The following AFF3 variants were observed in gnomAD, a reference collection of about 807,000 sequenced individuals.
The protein encoded by AFF3 is AF4/FMR2 family member 3.
In AFF3, 32 loss-of-function variants were observed where a neutral mutation model predicts 129.7. The ratio of observed to expected loss-of-function variants is 0.25; its 90% CI spans 0.19 to 0.33. AFF3 has a LOEUF of 0.33. AFF3 is among the 10% of genes least tolerant of loss of function. The pLI is 1.00. For missense variants in AFF3, 1,373 were observed against 1,592.0 expected (o/e 0.86, Z 2.34); for synonymous variants, 644 against 635.4 (o/e 1.01, Z -0.20).
At chr2:99,834,831 C>T (rs1004516355) in intron 8 of AFF3, among the ~76,000 whole-genome samples, 1 of 152,150 alleles carries the variant, frequency 6.6e-6, no homozygotes, top group Non-Finnish European at 1.5e-5. Flanking sequence ...AATTTAGATT[C>T]TCAATGTTCC....
chr2:100,112,301 T>C (rs948343501), intron 2 of AFF3: 1 of 152,100 alleles, frequency 6.6e-6, no homozygotes, highest in African/African-American at 2.4e-5. Flanking sequence ...GGGAGCTTCA[T>C]AAAGAAGCTA....
intron 7 of AFF3, among the ~76,000 whole-genome samples, chr2:99,935,954 G>A (rs1005448750): frequency 3.0e-4 from 45 of 152,096 alleles, no homozygotes; most frequent in South Asian, 2.1e-4. Flanking sequence ...TAAGTAACCC[G>A]GTTACTCGTC....
chr2:100,050,741 T>C (rs1478620281), intron 4 of AFF3, among the ~76,000 whole-genome samples: 1 of 152,178 alleles, frequency 6.6e-6, no homozygotes, highest in Non-Finnish European at 1.5e-5. Context: ...GGGCAGATCA[T>C]TACCCCCTCA....
intron 7 of AFF3, among the ~76,000 whole-genome samples, chr2:99,842,501 A>C (rs890144846): frequency 1.3e-5 from 2 of 152,006 alleles, no homozygotes; most frequent in Non-Finnish European, 2.9e-5. Context: ...GTTGCTCCGT[A>C]TTTACTCCAA....
At chr2:99,819,909 G>A (rs1687520660) in intron 8 of AFF3, among the ~76,000 whole-genome samples, 1 of 152,182 alleles carries the variant, frequency 6.6e-6, no homozygotes, top group Non-Finnish European at 1.5e-5. Flanking sequence ...GCCTGTTGTT[G>A]CTCTTACTGG....
chr2:99,555,609 C>T (rs1394874264), intron 22 of AFF3, among the ~76,000 whole-genome samples: 3 of 152,148 alleles, frequency 2.0e-5, no homozygotes, highest in African/African-American at 7.2e-5. Flanking sequence ...TTAGATTTCC[C>T]CTCTGAGAAC....
At chr2:99,704,845 C>T (rs896269560) in intron 11 of AFF3, among the ~76,000 whole-genome samples, 2 of 152,138 alleles carry the variant, frequency 1.3e-5, no homozygotes, top group Non-Finnish European at 2.9e-5. Flanking sequence ...CATTAGGGCT[C>T]AGACCTCAGA....
intron 13 of AFF3, among the ~76,000 whole-genome samples, chr2:99,632,148 T>G (rs1012683915): frequency 5.9e-5 from 9 of 151,382 alleles, no homozygotes; most frequent in African/African-American, 2.2e-4. Context: ...CCCGAGTAGC[T>G]GGGATTACAG....
At chr2:99,810,633 A>AGT (rs1686715469) in intron 8 of AFF3, among the ~76,000 whole-genome samples, 1 of 148,128 alleles carries the variant, frequency 6.8e-6, no homozygotes, top group South Asian at 2.1e-4. Flanking sequence ...CTTTAGTTCA[A>AGT]GTGTGTGAGT....
chr2:99,861,914 T>C (rs1430488797), intron 7 of AFF3, among the ~76,000 whole-genome samples: 1 of 152,182 alleles, frequency 6.6e-6, no homozygotes, highest in Non-Finnish European at 1.5e-5. Flanking sequence ...TGCAAGTTGC[T>C]CAAAAATTCT....
At chr2:99,828,068 G>A (rs543328569) in intron 8 of AFF3, among the ~76,000 whole-genome samples, 4 of 152,192 alleles carry the variant, frequency 2.6e-5, no homozygotes, top group African/African-American at 9.6e-5. Flanking sequence ...TTGGTTCTTG[G>A]GGATGAGAAA....
At chr2:99,574,518 G>A (rs1676808079) in intron 18 of AFF3, among the ~76,000 whole-genome samples, 2 of 151,890 alleles carry the variant, frequency 1.3e-5, no homozygotes, top group African/African-American at 4.8e-5. Context: ...TCACCTGCAT[G>A]TAGATTCCTT....
chr2:100,074,160 C>T (rs1392326265), intron 4 of AFF3, among the ~76,000 whole-genome samples: 1 of 152,232 alleles, frequency 6.6e-6, no homozygotes. Context: ...GCCCGCTCCA[C>T]TGTCTCCCGA....
At chr2:100,024,048 C>T (rs370349350) in intron 4 of AFF3, among the ~76,000 whole-genome samples, 2 of 149,170 alleles carry the variant, frequency 1.3e-5, no homozygotes, top group African/African-American at 4.9e-5. Context: ...CTGGCTAACA[C>T]GGTGAAACCC....
In AFF3 at chr2:99,883,297, C is replaced by A. The variant is rs144281843; in HGVS notation, c.874-45773G>T. On this transcript the variant is annotated intron_variant, in intron 7 of 24. Coordinates refer to ENST00000672756, the MANE Select transcript of AFF3 (RefSeq NM_001386135.1). ...CAAGTATAAAAGAAATAAGCTACCC[C>A]CTAAAGGTTTTCTGAAAAAAATTCC... is the stretch of plus-strand genomic sequence containing the variant. 3.5e-3 allele frequency among the ~76,000 whole-genome samples: 530 copies of A among 152,266 alleles called. 4 individuals are homozygous for A. Among genetic ancestry groups the A allele is most frequent in the African/African-American group, 0.012 (503 of 41,536 alleles).
At chr2:99,912,276 C>T (rs997386311) in intron 7 of AFF3, among the ~76,000 whole-genome samples, 8 of 152,134 alleles carry the variant, frequency 5.3e-5, no homozygotes, top group African/African-American at 1.7e-4. Context: ...CAGAAACTAA[C>T]AATCAATTGT....
intron 8 of AFF3, among the ~76,000 whole-genome samples, chr2:99,808,045 G>A (rs1010344706): frequency 8.5e-6 from 1 of 117,178 alleles, no homozygotes; most frequent in African/African-American, 2.7e-5. Context: ...TCGCCAATGG[G>A]GTGAAGGGGA....
intron 7 of AFF3, among the ~76,000 whole-genome samples, chr2:99,970,664 A>C (rs539783153): frequency 6.2e-4 from 94 of 152,258 alleles, no homozygotes; most frequent in African/African-American, 2.2e-3. Flanking sequence ...TGCACGTCCA[A>C]GCCTCTAACC....
intron 4 of AFF3, among the ~76,000 whole-genome samples, chr2:100,098,393 AT>A (rs1378424913): frequency 5.3e-5 from 8 of 152,158 alleles, no homozygotes; most frequent in African/African-American, 1.9e-4. Context: ...TAAAAAAAAA[AT>A]CAAACAGGCA....
Sources: gnomAD v4.1 joint callset for allele counts (sites outside exome capture counted in the v4.1 genomes callset) on GRCh38, gnomAD v4.1.1 for gene constraint, MANE v1.5 for transcripts, NCBI Gene and HGNC (gene_info 2026-07-23, HGNC 2026-07-21) for gene names.